ARHGAP26: variants seen among roughly 807,000 people sequenced by gnomAD.
ARHGAP26 encodes Rho GTPase activating protein 26.
A neutral mutation model predicts 104.8 loss-of-function variants in ARHGAP26; 38 were observed. That is an observed-to-expected ratio of 0.36 (90% CI 0.28 to 0.48). The LOEUF is 0.48. Ranked by LOEUF, ARHGAP26 falls within the 20% of genes least tolerant of loss-of-function variation. The pLI is 0.99. For synonymous variants in ARHGAP26, 341 were observed against 340.0 expected, an observed-to-expected ratio of 1.00 and a Z score of -0.03; for missense variants, 704 against 947.9, an observed-to-expected ratio of 0.74 and a Z score of 3.38.
At chr5:142,841,264 A>G (rs1770740054) in intron 1 of ARHGAP26, among the ~76,000 whole-genome samples, 2 of 152,228 alleles carry the variant, frequency 1.3e-5, no homozygotes, top group South Asian at 4.1e-4. Flanking sequence ...TAGGAAAGAA[A>G]CAAATCCTGG....
At chr5:143,033,582 C>G (rs762644467) in intron 12 of ARHGAP26, among the ~76,000 whole-genome samples, 2 of 152,216 alleles carry the variant, frequency 1.3e-5, no homozygotes, top group South Asian at 4.1e-4. Context: ...GGGGTCATCA[C>G]TGTCAGATGC....
chr5:143,038,182 T>C lies in ARHGAP26; in HGVS notation c.1210+921T>C, dbSNP rs149476981. Among the ~76,000 whole-genome samples, 6 of 152,358 alleles carry C rather than the reference T, an allele frequency of 3.9e-5. No individual in the cohort carries two copies. In the East Asian group the frequency reaches 1.2e-3, roughly 29 times the overall value. On this transcript the variant is annotated intron_variant, in intron 13 of 22. Coordinates refer to ENST00000645722, the MANE Select transcript of ARHGAP26 (RefSeq NM_001135608.3). The stretch of plus-strand genomic sequence containing the variant: ...CAGCCTCTCAGCCTACCAGCCCTTT[T>C]TAAGTAGTGGAAAGAAATTCTCTCT...
chr5:143,196,584 C>G (rs1233132026), intron 20 of ARHGAP26, among the ~76,000 whole-genome samples: 4 of 152,146 alleles, frequency 2.6e-5, no homozygotes, highest in African/African-American at 9.7e-5. Context: ...TTAACTCATG[C>G]CTGGAGCTCA....
At position 142,894,253 on chromosome 5, in the gene ARHGAP26, G is replaced by A; in HGVS notation, c.502G>A (p.Asp168Asn). 1 of 1,613,954 alleles carries A rather than the reference G, an allele frequency of 6.2e-7. No homozygotes were observed. The highest frequency in any genetic ancestry group is 8.5e-7 in the Non-Finnish European group (1 of 1,179,932). The change falls in exon 6 of 23, where the codon GAC becomes AAC. Residue 168 changes from aspartate (D) to asparagine (N), a missense_variant. Transcript: ENST00000645722. ...SQLQEADSQV[D>N]LVRQHFYEVS... is the part of the protein sequence containing the mutation. ...TTGTTTGTAGGCAGACAGCCAAGTG[G>A]ACCTGGTCCGGCAGCATTTCTATGA...
At chr5:143,168,501 C>G (rs1182746502) in intron 20 of ARHGAP26, 5 of 107,380 alleles carry the variant, frequency 4.7e-5, no homozygotes, top group Non-Finnish European at 9.0e-5. Context: ...CCACAAAGGG[C>G]CTGTTTTGGT....
At chr5:143,164,045 C>CT (rs543247118) in intron 20 of ARHGAP26, among the ~76,000 whole-genome samples, 17,553 of 140,322 alleles carry the variant, frequency 0.13, 1,271 homozygotes, top group African/African-American at 0.21. Flanking sequence ...TGTATTTGTT[C>CT]TTTTTTTTTT....
intron 10 of ARHGAP26, among the ~76,000 whole-genome samples, chr5:142,917,636 T>C (rs1762665139): frequency 6.6e-6 from 1 of 152,234 alleles, no homozygotes; most frequent in Non-Finnish European, 1.5e-5. Flanking sequence ...GACAGGCACA[T>C]GGCACTGAAT....
At chr5:143,010,702 A>T (rs942595838) in intron 11 of ARHGAP26, 2 of 152,346 alleles carry the variant, frequency 1.3e-5, no homozygotes, top group Middle Eastern at 6.8e-3. Flanking sequence ...AATTCAGGGA[A>T]TGCTTGGGTG....
Position 143,228,373 on chromosome 5 carries a change from A to G in ARHGAP26, c.*5927A>G. On this transcript the variant is annotated 3_prime_UTR_variant, in exon 23 of 23. Coordinates refer to ENST00000645722, the MANE Select transcript of ARHGAP26 (RefSeq NM_001135608.3). ...CTCGGAGGTTGAGAATTAGAGACAC[A>G]AGAGAGGCTGTGGATGGCCTATTAA... 1 of 222,582 alleles carries G rather than the reference A, an allele frequency of 4.5e-6. No individual in the cohort carries two copies. Among genetic ancestry groups the G allele is most frequent in the Non-Finnish European group, 9.0e-6 (1 of 111,388 alleles). 13.8% of individuals were successfully genotyped at this position (222,582 alleles called of 1,614,324 possible). A position where few individuals can be genotyped will look rare whatever the true frequency, so the allele number is the denominator to read the frequency against.
chr5:143,143,248 G>A lies in ARHGAP26; in HGVS notation c.1838-3983G>A, dbSNP rs533830443. Among the ~76,000 whole-genome samples, 652 of 152,300 alleles carry A rather than the reference G, an allele frequency of 4.3e-3. 1 individual carries two copies. Among genetic ancestry groups the A allele is most frequent in the Non-Finnish European group, 7.2e-3 (487 of 68,022 alleles). ...GACCTGTTCGGGCCTGCCAAGACGT[G>A]TGAATTTGGCTTGGCTCTGTGAGTG... On this transcript the variant is annotated intron_variant, in intron 19 of 22. Transcript: ENST00000645722.
intron 11 of ARHGAP26, among the ~76,000 whole-genome samples, chr5:143,012,058 G>A (rs1778830461): frequency 6.6e-6 from 1 of 152,146 alleles, no homozygotes; most frequent in South Asian, 2.1e-4. Context: ...CAATGGGGAA[G>A]CCCAGGCCAG....
chr5:142,917,537 T>C (rs1762650138), intron 10 of ARHGAP26, among the ~76,000 whole-genome samples: 1 of 152,180 alleles, frequency 6.6e-6, no homozygotes, highest in African/African-American at 2.4e-5. Flanking sequence ...AGCAGCAAAT[T>C]TGCCTCTCTT....
At chr5:142,775,410 GA>G (rs1034024166) in intron 1 of ARHGAP26, among the ~76,000 whole-genome samples, 1 of 152,150 alleles carries the variant, frequency 6.6e-6, no homozygotes, top group Non-Finnish European at 1.5e-5. Flanking sequence ...CTTCTTTGGT[GA>G]GGGGTCTTCA....
At chr5:142,949,477 A>G (rs947842829) in intron 11 of ARHGAP26, among the ~76,000 whole-genome samples, 3 of 152,116 alleles carry the variant, frequency 2.0e-5, no homozygotes, top group African/African-American at 7.2e-5. Context: ...GCCAATATTA[A>G]TGCATCAGAA....
At chr5:142,948,130 G>C (rs1410571106) in intron 11 of ARHGAP26, among the ~76,000 whole-genome samples, 1 of 152,222 alleles carries the variant, frequency 6.6e-6, no homozygotes, top group East Asian at 1.9e-4. Flanking sequence ...CACTTTAGAC[G>C]TGGCACTTTC....
intron 1 of ARHGAP26, among the ~76,000 whole-genome samples, chr5:142,808,375 T>A (rs1763441997): frequency 6.6e-6 from 1 of 151,420 alleles, no homozygotes; most frequent in African/African-American, 2.4e-5. Flanking sequence ...CCCAATCATC[T>A]AATTGGTGTC....
intron 22 of ARHGAP26, among the ~76,000 whole-genome samples, chr5:143,218,019 T>C (rs527511854): frequency 1.3e-5 from 2 of 152,338 alleles, no homozygotes; most frequent in Admixed American, 6.5e-5. Context: ...CTTCTTTATG[T>C]TCTCAAGTAA....
At chr5:142,808,117 C>T (rs1031214649) in intron 1 of ARHGAP26, among the ~76,000 whole-genome samples, 3 of 151,510 alleles carry the variant, frequency 2.0e-5, no homozygotes, top group Non-Finnish European at 2.9e-5. Flanking sequence ...TGCCTGTAGT[C>T]CCAGCTACTC....
At chr5:142,887,226 C>T (rs1317163114) in intron 5 of ARHGAP26, among the ~76,000 whole-genome samples, 1 of 152,156 alleles carries the variant, frequency 6.6e-6, no homozygotes, top group East Asian at 1.9e-4. Flanking sequence ...CTGTGAATGT[C>T]TTCTGAATTA....
Sources: gnomAD v4.1 joint callset for allele counts (sites outside exome capture counted in the v4.1 genomes callset) on GRCh38, gnomAD v4.1.1 for gene constraint, MANE v1.5 for transcripts, NCBI Gene and HGNC (gene_info 2026-07-23, HGNC 2026-07-21) for gene names.